The following SPMIP7 variants were observed in gnomAD, a reference collection of about 807,000 sequenced individuals.
SPMIP7 encodes the protein protein SPMIP7.
the SPMIP7 span, among the ~76,000 whole-genome samples, chr7:50,121,539 C>G: frequency 6.6e-6 from 1 of 152,182 alleles, no homozygotes; most frequent in Admixed American, 6.5e-5. Flanking sequence ...ATATTCCCTG[C>G]CCACATTTTG....
the SPMIP7 span, among the ~76,000 whole-genome samples, chr7:50,110,696 ATAT>A: frequency 5.9e-3 from 713 of 121,032 alleles, 7 homozygotes; most frequent in African/African-American, 0.021. Flanking sequence ...TTATATATAC[ATAT>A]TATTATATAA....
At chr7:50,156,519 T>C in the SPMIP7 span, among the ~76,000 whole-genome samples, 2 of 151,778 alleles carry the variant, frequency 1.3e-5, no homozygotes, top group Admixed American at 1.3e-4. Flanking sequence ...CAAACCTCCC[T>C]GTGCCACACG....
the SPMIP7 span, among the ~76,000 whole-genome samples, chr7:50,097,253 A>G: frequency 1.3e-5 from 2 of 152,192 alleles, no homozygotes; most frequent in Non-Finnish European, 2.9e-5. Context: ...CACAGGTACT[A>G]TTTTCTGTAT....
At chr7:50,138,311 G>A in the SPMIP7 span, among the ~76,000 whole-genome samples, 2 of 152,144 alleles carry the variant, frequency 1.3e-5, no homozygotes, top group South Asian at 2.1e-4. Context: ...GAGTCACAAT[G>A]AGCATTTGCA....
the SPMIP7 span, among the ~76,000 whole-genome samples, chr7:50,124,780 A>G: frequency 6.6e-6 from 1 of 152,262 alleles, no homozygotes; most frequent in African/African-American, 2.4e-5. Flanking sequence ...AGAAAGATCT[A>G]AAATTAATGA....
At chr7:50,125,161 CACAT>C in the SPMIP7 span, among the ~76,000 whole-genome samples, 1 of 38,906 alleles carries the variant, frequency 2.6e-5, no homozygotes, top group African/African-American at 1.0e-4. Flanking sequence ...CATATATATA[CACAT>C]ATATACACAT....
At chr7:50,115,402 A>C in the SPMIP7 span, among the ~76,000 whole-genome samples, 1 of 152,192 alleles carries the variant, frequency 6.6e-6, no homozygotes. Context: ...AAAGGTAGAC[A>C]GAAAAAAAGG....
At chr7:50,104,090 G>C in the SPMIP7 span, among the ~76,000 whole-genome samples, 1 of 152,082 alleles carries the variant, frequency 6.6e-6, no homozygotes, top group African/African-American at 2.4e-5. Context: ...CTAATAATAA[G>C]TAAGAAATAA....
the SPMIP7 span, among the ~76,000 whole-genome samples, chr7:50,115,056 C>T: frequency 6.6e-5 from 10 of 151,178 alleles, no homozygotes. Flanking sequence ...AATTAGTACC[C>T]TACTTATACG....
the SPMIP7 span, among the ~76,000 whole-genome samples, chr7:50,127,938 T>A: frequency 6.6e-6 from 1 of 151,924 alleles, no homozygotes; most frequent in East Asian, 1.9e-4. Flanking sequence ...AGAAATACTA[T>A]ATGATTCAGT....
chr7:50,103,165 C>CA, the SPMIP7 span, among the ~76,000 whole-genome samples: 1 of 151,608 alleles, frequency 6.6e-6, no homozygotes, highest in Non-Finnish European at 1.5e-5. Context: ...AAGCACCTCT[C>CA]ACAATGCATC....
the SPMIP7 span, among the ~76,000 whole-genome samples, chr7:50,114,012 AT>A: frequency 1.3e-5 from 2 of 152,190 alleles, no homozygotes; most frequent in African/African-American, 2.4e-5. Context: ...AAATGCACAT[AT>A]TTTAAGTAAC....
At chr7:50,138,764 A>ATTTT in the SPMIP7 span, among the ~76,000 whole-genome samples, 3 of 140,192 alleles carry the variant, frequency 2.1e-5, no homozygotes, top group Non-Finnish European at 3.1e-5. Context: ...TTTAAATGGG[A>ATTTT]TTTTTTTTTT....
At chr7:50,130,909 G>A in the SPMIP7 span, among the ~76,000 whole-genome samples, 3 of 152,130 alleles carry the variant, frequency 2.0e-5, no homozygotes, top group South Asian at 4.1e-4. Context: ...AGGGTAAGAG[G>A]AGGGAGTAGC....
the SPMIP7 span, among the ~76,000 whole-genome samples, chr7:50,099,824 C>T: frequency 3.9e-5 from 6 of 152,268 alleles, no homozygotes; most frequent in South Asian, 1.2e-3. Context: ...TCTATGGCGA[C>T]TATCTCTAGA....
chr7:50,156,795 C>T, the SPMIP7 span, among the ~76,000 whole-genome samples: 1 of 152,080 alleles, frequency 6.6e-6, no homozygotes, highest in Non-Finnish European at 1.5e-5. Context: ...CTGGCCTCTC[C>T]CAGCTGGCCA....
chr7:50,107,798 C>A, the SPMIP7 span, among the ~76,000 whole-genome samples: 118,286 of 152,104 alleles, frequency 0.78, 46,107 homozygotes, highest in East Asian at 0.88. Flanking sequence ...TCCAAACAAA[C>A]AAGCCAAAGG....
the SPMIP7 span, among the ~76,000 whole-genome samples, chr7:50,135,570 A>G: frequency 6.6e-6 from 1 of 152,196 alleles, no homozygotes; most frequent in South Asian, 2.1e-4. Flanking sequence ...AATATATATG[A>G]TTTCATCTAG....
chr7:50,116,017 C>T, the SPMIP7 span, among the ~76,000 whole-genome samples: 1 of 152,112 alleles, frequency 6.6e-6, no homozygotes, highest in Admixed American at 6.6e-5. Flanking sequence ...AAATGGTATA[C>T]AAATTGGAGG....
Sources: allele counts gnomAD v4.1 joint callset (sites outside exome capture counted in the v4.1 genomes callset), GRCh38; gene constraint gnomAD v4.1.1; transcripts MANE v1.5; gene names NCBI Gene and HGNC (gene_info 2026-07-23, HGNC 2026-07-21).